Variants in EXOC7 observed in about 807,000 individuals in gnomAD.
The protein encoded by EXOC7 is exocyst complex component 7.
EXOC7 carries 51 observed loss-of-function variants against 87.6 expected under a neutral mutation model. That is an observed-to-expected ratio of 0.58 (90% CI 0.46 to 0.73). The LOEUF (loss-of-function observed/expected upper bound fraction) is 0.73, where lower values mean the gene tolerates loss of function less well. EXOC7 is among the 30% of genes least tolerant of loss of function. The pLI is 0.00. For missense variants in EXOC7, 744 were observed against 888.4 expected, an observed-to-expected ratio of 0.84 and a Z score of 2.07; for synonymous variants, 327 against 357.1, an observed-to-expected ratio of 0.92 and a Z score of 0.95.
chr17:76,099,595 G>A (rs2067957426), intron 4 of EXOC7, among the ~76,000 whole-genome samples: 1 of 152,110 alleles, frequency 6.6e-6, no homozygotes, highest in South Asian at 2.1e-4. Flanking sequence ...ATGAAATGAA[G>A]TACTGATACA....
At position 76,085,367 on chromosome 17, in the gene EXOC7, A is replaced by G. The variant is rs1359769615; in HGVS notation, c.1659T>C (p.Ala553=). The G allele has an allele frequency of 2.5e-6, 4 of 1,610,532 alleles. No homozygotes were observed. The highest frequency in any genetic ancestry group is 3.4e-6 in the Non-Finnish European group (4 of 1,179,114). ...IQLVAVTQKT[A]ERSYREHIEQ... Reference sequence around the variant, plus strand: ...CAATGTGCTCCCGGTAGGAGCGCTCAGCAGTCTTCTGTGTCACTGCCACCA... The same window carrying G: ...CAATGTGCTCCCGGTAGGAGCGCTCGGCAGTCTTCTGTGTCACTGCCACCA... The change falls in exon 15 of 19, where the codon GCT becomes GCC. Residue 553 remains alanine, a synonymous_variant. Transcript: ENST00000589210.
rs1431217722 is a variant in EXOC7 at position 76,103,751 on chromosome 17, C to G, written c.-59G>C. On this transcript the variant is annotated 5_prime_UTR_variant, in exon 1 of 19. Coordinates refer to ENST00000589210, the MANE Select transcript of EXOC7 (RefSeq NM_001013839.4). ...TCTTTCCTCCGCGGGCCCACCGGGC[C>G]CCCGTCCCCGTCACACCCACTTCCG... 6.5e-7 allele frequency: 1 copy of G among 1,529,714 alleles called. No homozygotes were observed. The highest frequency in any genetic ancestry group is 1.2e-5 in the South Asian group (1 of 82,592). The allele number at this position is 1,529,714 out of a possible 1,614,324, so 94.8% of individuals were successfully genotyped here.
At chr17:76,098,162 G>A in intron 4 of EXOC7, 144 bp from the exon 5 acceptor site, 1 of 649,706 alleles carries the variant, frequency 1.5e-6, no homozygotes, top group Non-Finnish European at 2.6e-6. Context: ...TTTTGAGAGG[G>A]AGTCTCGCTC....
chr17:76,094,234 T>C, intron 6 of EXOC7, 180 bp downstream of exon 6: 1 of 599,204 alleles, frequency 1.7e-6, no homozygotes, highest in Non-Finnish European at 2.8e-6. Flanking sequence ...AGAGTCTTGC[T>C]CTTGGGGGGC....
In EXOC7 at chr17:76,082,129, GGGTAGAGGC is replaced by G; in HGVS notation, c.*1510_*1518del. ...GGTGAGGGCACGGAGGTCCAGGTGT[GGGTAGAGGC>G]CCCTTGCATCCACCCTGCTGGCTCT... is the stretch of plus-strand genomic sequence containing the variant. On this transcript the variant is annotated 3_prime_UTR_variant, in exon 19 of 19. Transcript: ENST00000589210. 1 of 1,477,622 alleles carries G rather than the reference GGGTAGAGGC, an allele frequency of 6.8e-7. No homozygotes were observed. The highest frequency in any genetic ancestry group is 2.5e-5 in the East Asian group (1 of 40,398). 91.5% of individuals were successfully genotyped at this position (1,477,622 alleles called of 1,614,324 possible).
chr17:76,088,069 G>A lies in EXOC7; in HGVS notation c.1353C>T (p.Leu451=), dbSNP rs772492242. The A allele has an allele frequency of 1.2e-6, 2 of 1,614,082 alleles. No homozygotes were observed. The highest frequency in any genetic ancestry group is 1.1e-5 in the South Asian group (1 of 91,088). The change falls in exon 11 of 19, where the codon CTC becomes CTT. Residue 451 remains leucine, a synonymous_variant. Coordinates refer to ENST00000589210, the MANE Select transcript of EXOC7 (RefSeq NM_001013839.4). ...NMPKDGTVHE[L]TSNAILFLQQ... ...CTCAGGCAGCACCCACATTGCTGGT[G>A]AGCTCGTGTACGGTGCCGTCCTTCG...
Position 76,081,374 on chromosome 17 carries a change from A to C in EXOC7, c.*2274T>G, listed in dbSNP as rs2066964313. On this transcript the variant is annotated 3_prime_UTR_variant, in exon 19 of 19. Coordinates refer to ENST00000589210, the MANE Select transcript of EXOC7 (RefSeq NM_001013839.4). ...GATCTGAAGACCCAAGTCCCACCCC[A>C]GCAGCTGGTGCCCTGCTTCCAGGTG... 6.2e-7 allele frequency: 1 copy of C among 1,614,016 alleles called. No homozygotes were observed. The highest frequency in any genetic ancestry group is 8.5e-7 in the Non-Finnish European group (1 of 1,180,036).
intron 10 of EXOC7, 169 bp from the exon 11 acceptor site, chr17:76,088,291 G>A (rs1421642309): frequency 2.1e-6 from 2 of 936,178 alleles, no homozygotes; most frequent in Admixed American, 4.5e-5. Flanking sequence ...ACTTCAGAGG[G>A]CTTGGAGGCC....
rs199648542 is a variant in EXOC7, at chr17:76,097,876, G to T, written c.560C>A (p.Thr187Asn). 67 of 1,613,958 alleles carry T rather than the reference G, an allele frequency of 4.2e-5. No individual in the cohort carries two copies. Among genetic ancestry groups the T allele is most frequent in the Admixed American group, 1.5e-4 (9 of 59,978 alleles). ...DDDLEAQEDV[T>N]LEHLPESVLQ... Reference sequence around the variant, plus strand: ...CACGCTCTCGGGCAGGTGCTCCAGGGTCACGTCCTCCTGGGCCTCCAGATC... The same window carrying T: ...CACGCTCTCGGGCAGGTGCTCCAGGTTCACGTCCTCCTGGGCCTCCAGATC... Residue 187 changes from threonine (T) to asparagine (N), a missense_variant, in exon 5 of 19, where the codon ACC becomes AAC. Around this residue, in one of 3 missense-constraint regions of EXOC7, gnomAD observed 512 missense variants for 573.0 expected, o/e 0.89. Transcript: ENST00000589210.
intron 12 of EXOC7, 41 bp downstream of exon 12, chr17:76,087,613 A>C (rs2144612486): frequency 6.5e-7 from 1 of 1,537,408 alleles, no homozygotes. Context: ...CCAGGCAAGG[A>C]GGCGAGTGGG....
At position 76,101,796 on chromosome 17, in the gene EXOC7, T is replaced by A. The variant is rs778956551; in HGVS notation, c.194A>T (p.Lys65Met). 1.9e-6 allele frequency: 3 copies of A among 1,614,076 alleles called. No homozygotes were observed. The highest frequency in any genetic ancestry group is 1.7e-6 in the Non-Finnish European group (2 of 1,180,018). Reference protein sequence around the residue: ...KLENSIIPVHKQTENLQRLQE... With the variant: ...KLENSIIPVHMQTENLQRLQE... ...CAGCCGCTGCAGATTCTCCGTCTGC[T>A]TGTGCACAGGGATGATGGAGTTCTC... The change falls in exon 3 of 19, where the codon AAG becomes ATG. Residue 65 changes from lysine (K) to methionine (M), a missense_variant. This residue lies in a region of EXOC7 where 512 missense variants were observed against 573.0 expected (regional missense o/e 0.89). Coordinates refer to ENST00000589210, the MANE Select transcript of EXOC7 (RefSeq NM_001013839.4).
In EXOC7 at chr17:76,082,196, T is replaced by C. The variant is rs1288360449; in HGVS notation, c.*1452A>G. 1.9e-6 allele frequency: 2 copies of C among 1,079,864 alleles called. No individual in the cohort carries two copies. The highest frequency in any genetic ancestry group is 2.6e-5 in the East Asian group (1 of 38,312). The allele number at this position is 1,079,864 out of a possible 1,614,324, so 66.9% of individuals were successfully genotyped here. ...CTGGTCTCCACCATGTCCTCCTCCCTTAGAAGAAACAGGTCTGGGGCAGGG... is the reference window on the plus strand; with the variant it reads ...CTGGTCTCCACCATGTCCTCCTCCCCTAGAAGAAACAGGTCTGGGGCAGGG... On this transcript the variant is annotated 3_prime_UTR_variant, in exon 19 of 19. Transcript: ENST00000589210.
In EXOC7 at chr17:76,083,692, G is replaced by T; in HGVS notation, c.2011C>A (p.Gln671Lys). The change falls in exon 19 of 19, where the codon CAG becomes AAG. Residue 671 changes from glutamine (Q) to lysine (K), a missense_variant. Coordinates refer to ENST00000589210, the MANE Select transcript of EXOC7 (RefSeq NM_001013839.4). Reference sequence around the variant, plus strand: ...AGGCGATCGATCATGTCGCCCACCTGCTCCACCCCGTACTTGATGTACTTC... The same window carrying T: ...AGGCGATCGATCATGTCGCCCACCTTCTCCACCCCGTACTTGATGTACTTC... ...PEKYIKYGVEQVGDMIDRLFD... is the reference protein window; with the variant it reads ...PEKYIKYGVEKVGDMIDRLFD... 1 of 1,613,814 alleles carries T rather than the reference G, an allele frequency of 6.2e-7. No homozygotes were observed. Among genetic ancestry groups the T allele is most frequent in the Non-Finnish European group, 8.5e-7 (1 of 1,180,006 alleles).
chr17:76,102,166 C>T (rs572227915), intron 2 of EXOC7, among the ~76,000 whole-genome samples: 3 of 152,320 alleles, frequency 2.0e-5, no homozygotes, highest in Admixed American at 6.5e-5. Context: ...AGCCAAATCT[C>T]AACTTCTGTT....
At chr17:76,098,308 T>C (rs908355891) in intron 4 of EXOC7, among the ~76,000 whole-genome samples, 12 of 151,966 alleles carry the variant, frequency 7.9e-5, no homozygotes, top group Admixed American at 3.9e-4. Context: ...AGATAATTTT[T>C]GTATTTTTAG....
At chr17:76,094,732 CAA>C (rs1216675097) in intron 5 of EXOC7, 151 bp from the exon 6 acceptor site, 2 of 654,586 alleles carry the variant, frequency 3.1e-6, no homozygotes, top group African/African-American at 2.0e-5. Flanking sequence ...CCAAATCAGG[CAA>C]AGTCTTTCAA....
intron 16 of EXOC7, 75 bp downstream of exon 16, chr17:76,084,442 C>T: frequency 6.3e-7 from 1 of 1,576,586 alleles, no homozygotes; most frequent in Non-Finnish European, 8.7e-7. Flanking sequence ...GATGCTTGTC[C>T]ACTTTTTCCC....
chr17:76,086,133 G>C lies in EXOC7; in HGVS notation c.1442C>G (p.Ser481Trp), dbSNP rs773783577. The C allele has an allele frequency of 1.2e-6, 2 of 1,613,666 alleles. No individual in the cohort carries two copies. Among genetic ancestry groups the C allele is most frequent in the Non-Finnish European group, 1.7e-6 (2 of 1,179,990 alleles). The change falls in exon 13 of 19, where the codon TCG becomes TGG. Residue 481 changes from serine to tryptophan, a missense_variant. Ser to Trp is a radical substitution (Grantham distance 177, BLOSUM62 -3). This residue lies in a region of EXOC7 where 228 missense variants were observed against 298.6 expected (regional missense o/e 0.76). Coordinates refer to ENST00000589210, the MANE Select transcript of EXOC7 (RefSeq NM_001013839.4). ...AMLASQETSS[S>W]ATSYSSEFSK... is the part of the protein sequence containing the mutation. ...GAACTCAGAGCTGTAGCTGGTGGCCGAAGAGCTGGTCTCTGTGAGAGGAGA... is the reference window on the plus strand; with the variant it reads ...GAACTCAGAGCTGTAGCTGGTGGCCCAAGAGCTGGTCTCTGTGAGAGGAGA...
rs2066986033 is a variant in EXOC7, at chr17:76,081,713, G to C, written c.*1935C>G. 1.9e-6 allele frequency: 3 copies of C among 1,613,900 alleles called. No homozygotes were observed. Among genetic ancestry groups the C allele is most frequent in the East Asian group, 2.2e-5 (1 of 44,890 alleles). On this transcript the variant is annotated 3_prime_UTR_variant, in exon 19 of 19. Coordinates refer to ENST00000589210, the MANE Select transcript of EXOC7 (RefSeq NM_001013839.4). ...TTACCTCGTCCTCCACTCCTCCCTG[G>C]TGCAGGCCCTGCCCAGCTCCTCCTC...
Sources: allele counts gnomAD v4.1 joint callset (sites outside exome capture counted in the v4.1 genomes callset), GRCh38; gene constraint gnomAD v4.1.1; regional missense constraint gnomAD v4.1.1; transcripts MANE v1.5; gene names NCBI Gene and HGNC (gene_info 2026-07-23, HGNC 2026-07-21).